The following RPS6KC1 variants were observed in gnomAD, a reference collection of about 807,000 sequenced individuals.
The protein encoded by RPS6KC1 is inactive ribosomal protein S6 kinase delta-1.
Under a neutral mutation model 103.8 loss-of-function variants are expected in RPS6KC1, and 54 were observed. The ratio of observed to expected loss-of-function variants is 0.52; its 90% CI spans 0.42 to 0.65. The LOEUF (loss-of-function observed/expected upper bound fraction) is 0.65. Among genes scored for constraint, RPS6KC1 ranks in the 30% least tolerant of loss-of-function variants. RPS6KC1 has a pLI of 0.00. For synonymous variants in RPS6KC1, 439 were observed against 438.7 expected, an observed-to-expected ratio of 1.00 and a Z score of -0.01; for missense variants, 1,151 against 1,253.8, an observed-to-expected ratio of 0.92 and a Z score of 1.24.
At chr1:213,062,759 G>A (rs1237468481) in intron 1 of RPS6KC1, among the ~76,000 whole-genome samples, 1 of 152,152 alleles carries the variant, frequency 6.6e-6, no homozygotes, top group Non-Finnish European at 1.5e-5. Flanking sequence ...GTTTCACCAT[G>A]TTGGCCAGGA....
chr1:213,628,624 G>A, the RPS6KC1 span, among the ~76,000 whole-genome samples: 7 of 152,020 alleles, frequency 4.6e-5, no homozygotes, highest in African/African-American at 1.4e-4. Flanking sequence ...CCTTCTGCTG[G>A]CTTTTGAATG....
At chr1:213,224,466 G>A (rs2093912915) in intron 8 of RPS6KC1, among the ~76,000 whole-genome samples, 1 of 152,168 alleles carries the variant, frequency 6.6e-6, no homozygotes, top group Admixed American at 6.5e-5. Context: ...ATATAGGGCT[G>A]ATAAGTAAGT....
chr1:213,209,312 T>A (rs2093436962), intron 8 of RPS6KC1, among the ~76,000 whole-genome samples: 1 of 152,220 alleles, frequency 6.6e-6, no homozygotes, highest in African/African-American at 2.4e-5. Context: ...AAAGGGATAT[T>A]GATCCAAACC....
At chr1:213,220,998 T>C (rs1003762226) in intron 8 of RPS6KC1, among the ~76,000 whole-genome samples, 1 of 152,138 alleles carries the variant, frequency 6.6e-6, no homozygotes, top group Non-Finnish European at 1.5e-5. Flanking sequence ...CATGTTATGT[T>C]TGAAGTATGG....
the RPS6KC1 span, among the ~76,000 whole-genome samples, chr1:213,434,388 T>G: frequency 6.6e-6 from 1 of 152,224 alleles, no homozygotes; most frequent in Non-Finnish European, 1.5e-5. Flanking sequence ...GATATTCCAC[T>G]ATTTTCTCAT....
chr1:213,450,087 G>A, the RPS6KC1 span, among the ~76,000 whole-genome samples: 2 of 152,196 alleles, frequency 1.3e-5, no homozygotes, highest in African/African-American at 4.8e-5. Flanking sequence ...GCAAAATGGA[G>A]ATGATAGTAC....
At chr1:213,510,583 A>C in the RPS6KC1 span, among the ~76,000 whole-genome samples, 1 of 152,236 alleles carries the variant, frequency 6.6e-6, no homozygotes, top group East Asian at 1.9e-4. Context: ...GTGGCTGCCA[A>C]TTATTCTGTG....
chr1:213,765,198 G>T, the RPS6KC1 span, among the ~76,000 whole-genome samples: 1 of 152,132 alleles, frequency 6.6e-6, no homozygotes, highest in African/African-American at 2.4e-5. Context: ...AAACTTCCTT[G>T]GCCTTCTTGG....
At chr1:213,663,800 C>T in the RPS6KC1 span, among the ~76,000 whole-genome samples, 1 of 152,148 alleles carries the variant, frequency 6.6e-6, no homozygotes, top group South Asian at 2.1e-4. Flanking sequence ...TTCTTGCCAG[C>T]CACCAGACAG....
At chr1:213,363,719 T>G in the RPS6KC1 span, among the ~76,000 whole-genome samples, 46 of 128,140 alleles carry the variant, frequency 3.6e-4, 4 homozygotes, top group Middle Eastern at 0.012. Flanking sequence ...TCTTTCTTTC[T>G]TTCTTTCGTT....
the RPS6KC1 span, among the ~76,000 whole-genome samples, chr1:213,508,747 C>CA: frequency 5.3e-5 from 8 of 152,252 alleles, no homozygotes; most frequent in South Asian, 1.7e-3. Context: ...TTGACACCAC[C>CA]AGGGTTTTCA....
the RPS6KC1 span, among the ~76,000 whole-genome samples, chr1:213,435,979 T>C: frequency 3.3e-5 from 5 of 152,164 alleles, no homozygotes; most frequent in Admixed American, 3.3e-4. Context: ...CATCCTGGAA[T>C]CCTCTCAAGG....
the RPS6KC1 span, chr1:213,839,839 T>C: frequency 7.9e-5 from 12 of 152,284 alleles, no homozygotes; most frequent in East Asian, 1.9e-3. Context: ...GTAGGGTTAT[T>C]GTGGGGCTTA....
chr1:213,621,896 T>G, the RPS6KC1 span, among the ~76,000 whole-genome samples: 5 of 152,088 alleles, frequency 3.3e-5, no homozygotes, highest in African/African-American at 1.2e-4. Context: ...AACGAATGAA[T>G]CTGGCAAGGA....
chr1:213,052,634 G>C (rs1425528498), intron 1 of RPS6KC1, among the ~76,000 whole-genome samples: 1 of 152,038 alleles, frequency 6.6e-6, no homozygotes, highest in Non-Finnish European at 1.5e-5. Flanking sequence ...TCTGCCTCCT[G>C]AGTTCAAGCG....
At chr1:213,780,318 G>A in the RPS6KC1 span, among the ~76,000 whole-genome samples, 6 of 152,240 alleles carry the variant, frequency 3.9e-5, no homozygotes, top group African/African-American at 4.8e-5. Flanking sequence ...AAAAAGCAGC[G>A]GCCAGATGCC....
intron 2 of RPS6KC1, among the ~76,000 whole-genome samples, chr1:213,077,326 G>A (rs2079433770): frequency 6.6e-6 from 1 of 152,160 alleles, no homozygotes; most frequent in South Asian, 2.1e-4. Flanking sequence ...TTGAAGAGAT[G>A]AAGTGACATT....
Position 213,261,638 on chromosome 1 carries a change from A to C in RPS6KC1, c.2992A>C (p.Lys998Gln). 1 of 1,613,268 alleles carries C rather than the reference A, an allele frequency of 6.2e-7. No individual in the cohort carries two copies. Among genetic ancestry groups the C allele is most frequent in the Non-Finnish European group, 8.5e-7 (1 of 1,179,210 alleles). Residue 998 changes from lysine to glutamine, a missense_variant and splice_region_variant, in exon 13 of 15, where the codon AAG (lysine) becomes CAG (glutamine). Coordinates refer to ENST00000366960, the MANE Select transcript of RPS6KC1 (RefSeq NM_012424.6). ...GAVLFELLTG[K>Q]TLVECHPAGI... is the part of the protein sequence containing the mutation. ...TGTCCTCTTTGAACTTCTCACTGGC[A>C]AGGTAAGCAGTGGCCTGGACGTTTA...
the RPS6KC1 span, among the ~76,000 whole-genome samples, chr1:213,637,033 T>C: frequency 5.9e-5 from 9 of 152,140 alleles, no homozygotes; most frequent in Non-Finnish European, 1.3e-4. Context: ...TCACTGGCCA[T>C]CAGGGAAATG....
Sources: allele counts gnomAD v4.1 joint callset (sites outside exome capture counted in the v4.1 genomes callset), GRCh38; gene constraint gnomAD v4.1.1; transcripts MANE v1.5; gene names NCBI Gene and HGNC (gene_info 2026-07-23, HGNC 2026-07-21).